The following FGF12 variants were observed in gnomAD, a reference collection of about 807,000 sequenced individuals.
The protein encoded by FGF12 is fibroblast growth factor 12B.
FGF12 carries 14 observed loss-of-function variants against 23.6 expected under a neutral mutation model. The observed-to-expected ratio is 0.59, with a 90% CI of 0.39 to 0.93. The LOEUF is 0.93. Among genes scored for constraint, FGF12 ranks in the 40% least tolerant of loss-of-function variants. FGF12 has a pLI of 0.00. For synonymous variants in FGF12, 62 were observed against 77.3 expected (o/e 0.80, Z 1.04); for missense variants, 175 against 217.8 (o/e 0.80, Z 1.24).
intron 4 of FGF12, among the ~76,000 whole-genome samples, chr3:192,321,399 C>A (rs572506030): frequency 6.6e-6 from 1 of 151,626 alleles, no homozygotes; most frequent in African/African-American, 2.4e-5. Flanking sequence ...AGAACTAATA[C>A]CTACTGTAAC....
intron 2 of FGF12, among the ~76,000 whole-genome samples, chr3:192,724,431 T>A (rs1465742749): frequency 2.0e-5 from 3 of 152,140 alleles, no homozygotes; most frequent in South Asian, 4.1e-4. Context: ...TCAGGATGAG[T>A]ATGTTCAGAA....
At chr3:192,559,667 A>C (rs1359726121) in intron 2 of FGF12, among the ~76,000 whole-genome samples, 1 of 151,990 alleles carries the variant, frequency 6.6e-6, no homozygotes, top group Non-Finnish European at 1.5e-5. Flanking sequence ...TAAAAAAAGA[A>C]GAAAAAAAAG....
intron 4 of FGF12, among the ~76,000 whole-genome samples, chr3:192,323,843 C>T (rs1372185428): frequency 3.3e-5 from 5 of 152,056 alleles, no homozygotes; most frequent in South Asian, 2.1e-4. Context: ...GTAATCTTAG[C>T]GCTTTGGGAG....
chr3:192,675,026 T>C (rs892535221), intron 2 of FGF12, among the ~76,000 whole-genome samples: 1 of 152,226 alleles, frequency 6.6e-6, no homozygotes, highest in African/African-American at 2.4e-5. Flanking sequence ...ATCCTATAAA[T>C]AGACTGGGCT....
intron 2 of FGF12, among the ~76,000 whole-genome samples, chr3:192,585,959 A>G (rs1713357470): frequency 6.6e-6 from 1 of 152,228 alleles, no homozygotes; most frequent in Admixed American, 6.5e-5. Context: ...ATATATGAAG[A>G]GAAAATATTG....
At chr3:192,256,569 G>A (rs1408240394) in intron 4 of FGF12, among the ~76,000 whole-genome samples, 2 of 152,056 alleles carry the variant, frequency 1.3e-5, no homozygotes, top group Non-Finnish European at 1.5e-5. Context: ...TATGGCATAT[G>A]CCATATATTT....
chr3:192,610,384 G>T (rs1303609802), intron 2 of FGF12, among the ~76,000 whole-genome samples: 1 of 152,084 alleles, frequency 6.6e-6, no homozygotes, highest in Non-Finnish European at 1.5e-5. Flanking sequence ...GAACAGTGAT[G>T]ATGTATATCC....
At chr3:192,636,961 G>A (rs1283663990) in intron 2 of FGF12, among the ~76,000 whole-genome samples, 1 of 152,158 alleles carries the variant, frequency 6.6e-6, no homozygotes, top group African/African-American at 2.4e-5. Context: ...GAGGTGATAG[G>A]AAGCCAAAGA....
intron 2 of FGF12, among the ~76,000 whole-genome samples, chr3:192,469,225 A>T (rs1458182444): frequency 6.6e-6 from 1 of 152,190 alleles, no homozygotes; most frequent in Non-Finnish European, 1.5e-5. Context: ...GAAAGAATGC[A>T]ATTTAGAAAT....
At chr3:192,414,930 T>G (rs1028947427) in intron 2 of FGF12, among the ~76,000 whole-genome samples, 3 of 152,158 alleles carry the variant, frequency 2.0e-5, no homozygotes, top group Admixed American at 2.0e-4. Flanking sequence ...CTGGTTTTAC[T>G]ATTGTTGGCC....
chr3:192,578,071 A>G (rs1448722205), intron 2 of FGF12, among the ~76,000 whole-genome samples: 1 of 152,208 alleles, frequency 6.6e-6, no homozygotes, highest in Non-Finnish European at 1.5e-5. Flanking sequence ...TCACTTCATG[A>G]AAGATAATCG....
chr3:192,337,170 T>C (rs1020043462), intron 3 of FGF12, among the ~76,000 whole-genome samples: 1 of 152,176 alleles, frequency 6.6e-6, no homozygotes. Context: ...CAGTGTATAA[T>C]TTACTTCTAT....
chr3:192,544,979 G>A (rs1725460842), intron 2 of FGF12, among the ~76,000 whole-genome samples: 1 of 152,166 alleles, frequency 6.6e-6, no homozygotes, highest in South Asian at 2.1e-4. Flanking sequence ...AGAGGAGATG[G>A]AGGAGAAGTC....
At chr3:192,645,145 G>A (rs1194961531) in intron 2 of FGF12, among the ~76,000 whole-genome samples, 4 of 152,064 alleles carry the variant, frequency 2.6e-5, no homozygotes, top group African/African-American at 9.7e-5. Context: ...AATGAAGTTG[G>A]GATCTCACCT....
chr3:192,173,638 T>A (rs996350861), intron 4 of FGF12, among the ~76,000 whole-genome samples: 4 of 152,220 alleles, frequency 2.6e-5, no homozygotes, highest in East Asian at 3.8e-4. Flanking sequence ...TTTTATTATT[T>A]TTTTTTCTCG....
chr3:192,269,188 G>C (rs1368835899), intron 4 of FGF12, among the ~76,000 whole-genome samples: 1 of 152,050 alleles, frequency 6.6e-6, no homozygotes, highest in Admixed American at 6.6e-5. Context: ...TCAAAGTGCT[G>C]AGATTACAGG....
At position 192,387,565 on chromosome 3, in the gene FGF12, A is replaced by T. The variant is rs909816779; in HGVS notation, c.14-27027T>A. ...ATTTTCAGTAAAACAATAACAAAACAGTTTGGATGCGGTGGCTAAGGCCTG... is the reference window on the plus strand; with the variant it reads ...ATTTTCAGTAAAACAATAACAAAACTGTTTGGATGCGGTGGCTAAGGCCTG... On this transcript the variant is annotated intron_variant, in intron 2 of 5. Transcript: ENST00000445105. Among the ~76,000 whole-genome samples the T allele has an allele frequency of 2.6e-5, 4 of 152,218 alleles. 1 individual carries two copies. In the South Asian group the frequency reaches 6.2e-4, roughly 24 times the overall value.
intron 2 of FGF12, among the ~76,000 whole-genome samples, chr3:192,453,465 G>T (rs1312035430): frequency 6.6e-6 from 1 of 152,046 alleles, no homozygotes; most frequent in Non-Finnish European, 1.5e-5. Flanking sequence ...AAAAAATTTG[G>T]AGAGTTTGGT....
intron 4 of FGF12, among the ~76,000 whole-genome samples, chr3:192,187,854 G>C (rs1197995036): frequency 6.6e-6 from 1 of 152,020 alleles, no homozygotes; most frequent in African/African-American, 2.4e-5. Flanking sequence ...AGGAAGGGAA[G>C]GGAAAAGGAA....
Sources: allele counts gnomAD v4.1 joint callset (sites outside exome capture counted in the v4.1 genomes callset), GRCh38; gene constraint gnomAD v4.1.1; transcripts MANE v1.5; gene names NCBI Gene and HGNC (gene_info 2026-07-23, HGNC 2026-07-21).